DEAF1: variants seen among roughly 807,000 people sequenced by gnomAD.
DEAF1 encodes deformed epidermal autoregulatory factor 1 homolog.
In DEAF1, 53 loss-of-function variants were observed where a neutral mutation model predicts 58.9. The ratio of observed to expected loss-of-function variants is 0.90; its 90% CI spans 0.72 to 1.13. The LOEUF is 1.13. Among genes scored for constraint, DEAF1 ranks in the 50% most tolerant of loss-of-function variants. The pLI, the probability that DEAF1 is intolerant of heterozygous loss-of-function variation, is 0.00. For synonymous variants in DEAF1, 385 were observed against 340.4 expected, an observed-to-expected ratio of 1.13 and a Z score of -1.44; for missense variants, 685 against 791.4, an observed-to-expected ratio of 0.87 and a Z score of 1.61.
upstream of DEAF1, chr11:695,653 C>G: frequency 8.0e-7 from 1 of 1,244,648 alleles, no homozygotes; most frequent in Non-Finnish European, 1.0e-6. Flanking sequence ...TCCGAAAGTG[C>G]CCGAGCGGTG....
intron 11 of DEAF1, among the ~76,000 whole-genome samples, chr11:648,922 T>C (rs1414257409): frequency 6.6e-6 from 1 of 152,064 alleles, no homozygotes; most frequent in Admixed American, 6.6e-5. Flanking sequence ...ACTGCAAATA[T>C]AAACACAAAT....
chr11:700,457 G>T (rs1345807330), intron 1 of DEAF1, among the ~76,000 whole-genome samples: 1 of 151,778 alleles, frequency 6.6e-6, no homozygotes, highest in African/African-American at 2.4e-5. Context: ...AACCCGGGAG[G>T]TGGAGGTTCC....
intron 10 of DEAF1, 109 bp from the exon 11 acceptor site, chr11:654,160 ACC>A (rs56079259): frequency 0.073 from 39,512 of 542,280 alleles, 4,185 homozygotes; most frequent in African/African-American, 0.38. Flanking sequence ...CCCCCATTGG[ACC>A]CCCTTTTTTT....
chr11:667,335 AG>A lies in DEAF1; in HGVS notation c.1503+7200del, dbSNP rs1564934377. The stretch of plus-strand genomic sequence containing the variant: ...CCCTGTCTCAAAAAAGAAAGAAAAA[AG>A]AAGGAAGGAAGGGAGGGATGGAGGG... On this transcript the variant is annotated intron_variant, in intron 10 of 11. Coordinates refer to ENST00000382409, the MANE Select transcript of DEAF1 (RefSeq NM_021008.4). Among the ~76,000 whole-genome samples the A allele has an allele frequency of 1.0e-4, 14 of 135,590 alleles. No homozygotes were observed. In the East Asian group the frequency reaches 2.5e-3, roughly 25 times the overall value. 89.0% of individuals were successfully genotyped at this position (135,590 alleles called of 152,430 possible).
In DEAF1 at chr11:653,912, G is replaced by C. The variant is rs371658529; in HGVS notation, c.1593+50C>G. 4 of 1,558,558 alleles carry C rather than the reference G, an allele frequency of 2.6e-6. No individual in the cohort carries two copies. The South Asian group carries it at 3.3e-5, about 13-fold the overall frequency. ...GAGGGAGGGCCACCCAGGGGTCTTC[G>C]TAGCGAGGGAGGAGGCGGGGGCACT... On this transcript the variant is annotated intron_variant, in intron 11 of 11. Transcript: ENST00000382409.
At chr11:654,850 C>T (rs1186387472) in intron 10 of DEAF1, among the ~76,000 whole-genome samples, 1 of 150,850 alleles carries the variant, frequency 6.6e-6, no homozygotes, top group Non-Finnish European at 1.5e-5. Context: ...GCCTGGGTGA[C>T]AGAGCGAGAC....
intron 10 of DEAF1, among the ~76,000 whole-genome samples, chr11:659,873 C>T (rs1402953762): frequency 6.6e-6 from 1 of 152,180 alleles, no homozygotes; most frequent in Non-Finnish European, 1.5e-5. Flanking sequence ...ACCTGCTGGA[C>T]CCTGAAGCCG....
intron 6 of DEAF1, among the ~76,000 whole-genome samples, chr11:684,493 A>T (rs966209860): frequency 2.6e-5 from 4 of 151,618 alleles, no homozygotes; most frequent in African/African-American, 9.7e-5. Flanking sequence ...GAAATACGTC[A>T]AAAAGGCGTT....
chr11:649,993 T>TCC (rs1858687107), intron 11 of DEAF1, among the ~76,000 whole-genome samples: 1 of 151,972 alleles, frequency 6.6e-6, no homozygotes, highest in Non-Finnish European at 1.5e-5. Flanking sequence ...GCCATTGCAC[T>TCC]CCAGCCTGGC....
At chr11:681,117 C>A (rs1257027115) in intron 6 of DEAF1, 28 bp from the exon 7 acceptor site, 1 of 1,613,452 alleles carries the variant, frequency 6.2e-7, no homozygotes, top group Admixed American at 1.7e-5. Context: ...GAGGCCACCA[C>A]CTTCATGTGT....
chr11:665,258 T>C (rs80256023), intron 10 of DEAF1, among the ~76,000 whole-genome samples: 4 of 128,746 alleles, frequency 3.1e-5, no homozygotes, highest in Admixed American at 7.9e-5. Context: ...GAGGACAGGG[T>C]GTCACACTCG....
rs183800920 is a variant in DEAF1 at position 678,189 on chromosome 11, A to G, written c.1255+505T>C. 88 of 183,734 alleles carry G rather than the reference A, an allele frequency of 4.8e-4. 2 individuals carry two copies. Among genetic ancestry groups the G allele is most frequent in the Admixed American group, 1.7e-3 (30 of 18,012 alleles). The allele number at this position is 183,734 out of a possible 1,614,324, so 11.4% of individuals were successfully genotyped here. On this transcript the variant is annotated intron_variant, in intron 9 of 11. Coordinates refer to ENST00000382409, the MANE Select transcript of DEAF1 (RefSeq NM_021008.4). Reference sequence around the variant, plus strand: ...GCGCCACTGCACCCCAGCCTGGGCAATAGAGCGAGACTCAGTCTCAAAAAA... The same window carrying G: ...GCGCCACTGCACCCCAGCCTGGGCAGTAGAGCGAGACTCAGTCTCAAAAAA...
chr11:677,151 A>C (rs1277593131), intron 9 of DEAF1, among the ~76,000 whole-genome samples: 1 of 150,676 alleles, frequency 6.6e-6, no homozygotes, highest in East Asian at 2.0e-4. Flanking sequence ...CAGTTAATAG[A>C]GATGGGGTCT....
At position 686,881 on chromosome 11, in the gene DEAF1, G is replaced by T; in HGVS notation, c.781C>A (p.Arg261=). The change falls in exon 5 of 12, where the codon CGA becomes AGA. Residue 261 remains arginine (R), a synonymous_variant. Transcript: ENST00000382409. ...DWKRSIRYAG[R]PLQCLIQDGI... ...ACCTGGATGAGGCACTGCAAGGGTC[G>T]GCCCGCGTAGCGAATGCTTCTTTTC... is the stretch of plus-strand genomic sequence containing the variant. The T allele has an allele frequency of 6.2e-7, 1 of 1,614,208 alleles. No homozygotes were observed. Among genetic ancestry groups the T allele is most frequent in the Non-Finnish European group, 8.5e-7 (1 of 1,180,044 alleles).
chr11:678,612 T>C, intron 9 of DEAF1, 82 bp downstream of exon 9: 1 of 1,600,186 alleles, frequency 6.2e-7, no homozygotes, highest in South Asian at 1.1e-5. Flanking sequence ...CCAAAATGAA[T>C]CCCATTTCAC....
chr11:649,905 A>G (rs1202539955), intron 11 of DEAF1, among the ~76,000 whole-genome samples: 1 of 151,826 alleles, frequency 6.6e-6, no homozygotes, highest in Non-Finnish European at 1.5e-5. Flanking sequence ...TCATGCCTAT[A>G]ATCCCAGCTA....
chr11:678,140 C>CA (rs1190439617), intron 9 of DEAF1, among the ~76,000 whole-genome samples: 2 of 152,118 alleles, frequency 1.3e-5, no homozygotes, highest in Non-Finnish European at 2.9e-5. Context: ...TTGAACCAGG[C>CA]AGAGGTTGCA....
chr11:682,116 G>C (rs1292055689), intron 6 of DEAF1, among the ~76,000 whole-genome samples: 1 of 152,188 alleles, frequency 6.6e-6, no homozygotes, highest in Non-Finnish European at 1.5e-5. Flanking sequence ...GCTCCTCTGA[G>C]GGCTCGGCCC....
chr11:675,163 C>A (rs754487016), intron 9 of DEAF1, among the ~76,000 whole-genome samples: 1 of 39,644 alleles, frequency 2.5e-5, no homozygotes, highest in Non-Finnish European at 7.5e-5. Flanking sequence ...CCAGCCTGGG[C>A]AACAGAGTGA....
Sources: allele counts gnomAD v4.1 joint callset (sites outside exome capture counted in the v4.1 genomes callset), GRCh38; gene constraint gnomAD v4.1.1; transcripts MANE v1.5; gene names NCBI Gene and HGNC (gene_info 2026-07-23, HGNC 2026-07-21).